The following GALNTL6 variants were observed in gnomAD, a reference collection of about 807,000 sequenced individuals.
The protein encoded by GALNTL6 is polypeptide N-acetylgalactosaminyltransferase like 6.
In GALNTL6, 46 loss-of-function variants were observed where a neutral mutation model predicts 73.7. That is an observed-to-expected ratio of 0.62 (90% confidence interval 0.49 to 0.80). The LOEUF is 0.80. Among genes scored for constraint, GALNTL6 ranks in the 30% least tolerant of loss-of-function variants. The probability of loss-of-function intolerance (pLI) is 0.00; values close to 1 mark genes in which losing one functional copy is unlikely to be tolerated. For synonymous variants in GALNTL6, 259 were observed against 263.7 expected, an observed-to-expected ratio of 0.98 and a Z score of 0.17; for missense variants, 604 against 755.0, an observed-to-expected ratio of 0.80 and a Z score of 2.34.
At chr4:172,847,331 C>G (rs776722498) in intron 7 of GALNTL6, among the ~76,000 whole-genome samples, 4 of 152,122 alleles carry the variant, frequency 2.6e-5, no homozygotes, top group Non-Finnish European at 4.4e-5. Flanking sequence ...GCAATACATT[C>G]TATTCCATTA....
chr4:172,290,356 C>T (rs1243377303), intron 3 of GALNTL6, among the ~76,000 whole-genome samples: 2 of 152,144 alleles, frequency 1.3e-5, no homozygotes, highest in Non-Finnish European at 2.9e-5. Context: ...AGAGTATCAA[C>T]ATTTTTGTGG....
At chr4:171,904,592 T>A (rs973018941) in intron 2 of GALNTL6, among the ~76,000 whole-genome samples, 4 of 152,136 alleles carry the variant, frequency 2.6e-5, no homozygotes, top group Non-Finnish European at 5.9e-5. Flanking sequence ...CCAGGAGAAC[T>A]TCCCCAATCT....
rs374681412 is a variant in GALNTL6 at position 172,797,987 on chromosome 4, TAAGTCCCTTA to T, written c.554-11372_554-11363del. 3.1e-3 allele frequency among the ~76,000 whole-genome samples: 478 copies of T among 152,340 alleles called. 3 individuals are homozygous for T. Among genetic ancestry groups the T allele is most frequent in the African/African-American group, 0.011 (440 of 41,576 alleles). ...AGCTCCAAAGCTCCAAATGAATCTG[TAAGTCCCTTA>T]AGTTCAGTGGTGGGTTCTATGCAGC... On this transcript the variant is annotated intron_variant, in intron 5 of 12. Transcript: ENST00000506823.
intron 2 of GALNTL6, among the ~76,000 whole-genome samples, chr4:172,106,211 T>C (rs2110970138): frequency 6.6e-6 from 1 of 152,240 alleles, no homozygotes; most frequent in East Asian, 1.9e-4. Context: ...ACTTTTTAAT[T>C]TTCTATTCAA....
At chr4:172,044,803 C>T (rs1486128759) in intron 2 of GALNTL6, among the ~76,000 whole-genome samples, 5 of 151,956 alleles carry the variant, frequency 3.3e-5, no homozygotes, top group African/African-American at 1.2e-4. Context: ...AAGGCATACC[C>T]AGAAAACTTT....
intron 3 of GALNTL6, among the ~76,000 whole-genome samples, chr4:172,240,236 G>GTTTA (rs1737374128): frequency 6.6e-6 from 1 of 151,736 alleles, no homozygotes; most frequent in Non-Finnish European, 1.5e-5. Flanking sequence ...TTGTTTGTTT[G>GTTTA]TTTTTGAGAT....
chr4:172,400,700 G>A (rs568843805), intron 5 of GALNTL6, among the ~76,000 whole-genome samples: 1 of 152,202 alleles, frequency 6.6e-6, no homozygotes, highest in East Asian at 1.9e-4. Flanking sequence ...CAAAGAAAGG[G>A]CAGGAGTAAG....
chr4:172,824,477 ATTAT>A (rs1396003168), intron 7 of GALNTL6, among the ~76,000 whole-genome samples: 5 of 151,810 alleles, frequency 3.3e-5, no homozygotes, highest in African/African-American at 7.3e-5. Context: ...ATATATTTAT[ATTAT>A]TTATATGTGT....
intron 5 of GALNTL6, among the ~76,000 whole-genome samples, chr4:172,681,032 C>A (rs1579329474): frequency 6.6e-6 from 1 of 152,100 alleles, no homozygotes; most frequent in East Asian, 1.9e-4. Context: ...GCCTTGCTCC[C>A]ACCTCAGCAG....
In GALNTL6 at chr4:172,348,574, C is replaced by A. The variant is rs1301598870; in HGVS notation, c.438C>A (p.Ile146=). ...LERLPNTSII[I]PFHNEGWTSL... ...GGCTGCCAAACACCAGCATCATTAT[C>A]CCATTTCATAATGAAGGTTGGACTT... The change falls in exon 5 of 13, where the codon ATC becomes ATA. Residue 146 remains isoleucine (I), a synonymous_variant. Transcript: ENST00000506823. 1.2e-6 allele frequency: 2 copies of A among 1,611,602 alleles called. No individual in the cohort carries two copies. The highest frequency in any genetic ancestry group is 1.1e-5 in the South Asian group (1 of 90,936).
intron 2 of GALNTL6, among the ~76,000 whole-genome samples, chr4:171,971,614 C>G (rs1739570832): frequency 6.6e-6 from 1 of 152,030 alleles, no homozygotes; most frequent in Non-Finnish European, 1.5e-5. Context: ...CAGTCCTCTC[C>G]AAAACATAAT....
At chr4:172,409,458 T>G (rs1744357412) in intron 5 of GALNTL6, among the ~76,000 whole-genome samples, 1 of 152,082 alleles carries the variant, frequency 6.6e-6, no homozygotes, top group South Asian at 2.1e-4. Context: ...ATTTTATAGA[T>G]TATTAGCCTC....
intron 2 of GALNTL6, among the ~76,000 whole-genome samples, chr4:171,841,203 G>T (rs1459231366): frequency 6.6e-6 from 1 of 152,000 alleles, no homozygotes; most frequent in Non-Finnish European, 1.5e-5. Context: ...TGTAATAAAG[G>T]TTAAAAATAA....
intron 5 of GALNTL6, among the ~76,000 whole-genome samples, chr4:172,367,195 C>T (rs1382331993): frequency 6.6e-6 from 1 of 151,950 alleles, no homozygotes; most frequent in Non-Finnish European, 1.5e-5. Context: ...AGGCATCACG[C>T]GTTTTGATCT....
chr4:172,414,337 C>T (rs1019328676), intron 5 of GALNTL6, among the ~76,000 whole-genome samples: 22 of 152,178 alleles, frequency 1.4e-4, no homozygotes, highest in African/African-American at 4.6e-4. Flanking sequence ...TTATATTTTC[C>T]AAATTCCACA....
chr4:172,080,321 C>T lies in GALNTL6; in HGVS notation c.139-149335C>T, dbSNP rs549336722. On this transcript the variant is annotated intron_variant, in intron 2 of 12. Transcript: ENST00000506823. ...TCAGCCTCCTGAGTAGTTAGAACTA[C>T]AGGCACATGGTACCACATTTAGCTA... 4.6e-5 allele frequency among the ~76,000 whole-genome samples: 7 copies of T among 152,266 alleles called. No individual in the cohort carries two copies. The East Asian group carries it at 1.4e-3, about 29-fold the overall frequency.
intron 5 of GALNTL6, among the ~76,000 whole-genome samples, chr4:172,805,247 T>C (rs1360109821): frequency 1.3e-5 from 2 of 152,174 alleles, no homozygotes; most frequent in African/African-American, 4.8e-5. Flanking sequence ...ATTTTTGGTG[T>C]TTAGTTGCTT....
intron 2 of GALNTL6, among the ~76,000 whole-genome samples, chr4:171,828,528 C>A (rs1734883439): frequency 6.6e-6 from 1 of 152,174 alleles, no homozygotes; most frequent in South Asian, 2.1e-4. Context: ...CCACTTCAGA[C>A]AATTCATCTT....
intron 7 of GALNTL6, among the ~76,000 whole-genome samples, chr4:172,867,367 G>A (rs934179314): frequency 2.0e-5 from 3 of 152,182 alleles, no homozygotes; most frequent in Non-Finnish European, 4.4e-5. Context: ...TGGTTTTAGA[G>A]GACAGAGGTG....
Sources: gnomAD v4.1 joint callset for allele counts (sites outside exome capture counted in the v4.1 genomes callset) on GRCh38, gnomAD v4.1.1 for gene constraint, MANE v1.5 for transcripts, NCBI Gene and HGNC (gene_info 2026-07-23, HGNC 2026-07-21) for gene names.